Variants in RCOR1 observed in about 807,000 individuals in gnomAD.
The protein encoded by RCOR1 is REST corepressor 1, also known as REST corepressor.
In RCOR1, 12 loss-of-function variants were observed where a neutral mutation model predicts 64.0. That is an observed-to-expected ratio of 0.19 (90% CI 0.12 to 0.30). The LOEUF (loss-of-function observed/expected upper bound fraction) is 0.30. Among genes scored for constraint, RCOR1 ranks in the 10% least tolerant of loss-of-function variants. RCOR1 has a pLI of 1.00. For synonymous variants in RCOR1, 279 were observed against 227.2 expected, an observed-to-expected ratio of 1.23 and a Z score of -2.05; for missense variants, 502 against 621.2, an observed-to-expected ratio of 0.81 and a Z score of 2.04.
intron 2 of RCOR1, among the ~76,000 whole-genome samples, chr14:102,654,033 C>A (rs1206931751): frequency 5.9e-5 from 8 of 135,716 alleles, no homozygotes; most frequent in Non-Finnish European, 1.2e-4. Context: ...TCGCCCAGGC[C>A]GGAGTGCAGT....
chr14:102,704,960 A>T (rs1045339680), intron 4 of RCOR1, among the ~76,000 whole-genome samples: 2 of 146,232 alleles, frequency 1.4e-5, no homozygotes, highest in Non-Finnish European at 3.0e-5. Context: ...CCTCATCTCT[A>T]AAAAAAAGTT....
chr14:102,650,427 A>G (rs1203688291), intron 2 of RCOR1, among the ~76,000 whole-genome samples: 1 of 152,052 alleles, frequency 6.6e-6, no homozygotes, highest in Non-Finnish European at 1.5e-5. Context: ...AATCATAGTG[A>G]TCAGCAGTGC....
intron 2 of RCOR1, among the ~76,000 whole-genome samples, chr14:102,681,268 G>GTGAA (rs1371574199): frequency 6.6e-6 from 1 of 152,234 alleles, no homozygotes; most frequent in Non-Finnish European, 1.5e-5. Context: ...CCTAACCAGT[G>GTGAA]TGAAGGTATG....
rs371620881 is a variant in RCOR1, at chr14:102,728,411, G to T, written c.*1905G>T. 1 of 152,220 alleles carries T rather than the reference G, an allele frequency of 6.6e-6. No homozygotes were observed. Among genetic ancestry groups the T allele is most frequent in the African/African-American group, 2.4e-5 (1 of 41,428 alleles). The allele number at this position is 152,220 out of a possible 1,614,324, so 9.4% of individuals were successfully genotyped here. On this transcript the variant is annotated 3_prime_UTR_variant, in exon 12 of 12. Transcript: ENST00000262241. ...CCTGCTGTGTACACCGAGGGCGGCAGGAGAAGCATGGGAAGGAGTCAGCCT... is the reference window on the plus strand; with the variant it reads ...CCTGCTGTGTACACCGAGGGCGGCATGAGAAGCATGGGAAGGAGTCAGCCT...
intron 2 of RCOR1, among the ~76,000 whole-genome samples, chr14:102,605,328 A>T (rs573566966): frequency 7.2e-5 from 11 of 152,172 alleles, no homozygotes; most frequent in African/African-American, 2.7e-4. Flanking sequence ...TGAAATAGTC[A>T]TCTTCACAAC....
At chr14:102,660,235 A>G (rs1422281617) in intron 2 of RCOR1, among the ~76,000 whole-genome samples, 1 of 152,124 alleles carries the variant, frequency 6.6e-6, no homozygotes, top group Admixed American at 6.6e-5. Context: ...TGCTGATTAT[A>G]GTAAAACAAC....
intron 2 of RCOR1, among the ~76,000 whole-genome samples, chr14:102,598,127 TG>T (rs1893303220): frequency 6.6e-6 from 1 of 152,138 alleles, no homozygotes; most frequent in Non-Finnish European, 1.5e-5. Context: ...GCCCTAATTT[TG>T]GTATTTTTGG....
chr14:102,659,033 A>G (rs1894779601), intron 2 of RCOR1: 5 of 757,140 alleles, frequency 6.6e-6, no homozygotes, highest in Non-Finnish European at 8.0e-6. Flanking sequence ...TTTAAGCTCC[A>G]TCTCCTAGAG....
At chr14:102,669,309 G>GAA (rs11407477) in intron 2 of RCOR1, among the ~76,000 whole-genome samples, 2,231 of 132,188 alleles carry the variant, frequency 0.017, 61 homozygotes, top group African/African-American at 0.051. Context: ...AACTCGGTCT[G>GAA]AAAAAAAAAA....
chr14:102,620,321 A>G (rs1893849204), intron 2 of RCOR1, among the ~76,000 whole-genome samples: 1 of 152,186 alleles, frequency 6.6e-6, no homozygotes, highest in South Asian at 2.1e-4. Flanking sequence ...TAATCCCAGC[A>G]CTTTGGGAGG....
At chr14:102,636,392 C>T (rs1293238840) in intron 2 of RCOR1, among the ~76,000 whole-genome samples, 2 of 151,952 alleles carry the variant, frequency 1.3e-5, no homozygotes, top group Non-Finnish European at 2.9e-5. Context: ...ATTCTCCTGC[C>T]TCAGCCTCCC....
At chr14:102,631,307 G>A (rs1446020252) in intron 2 of RCOR1, among the ~76,000 whole-genome samples, 3 of 151,016 alleles carry the variant, frequency 2.0e-5, no homozygotes, top group Admixed American at 6.6e-5. Flanking sequence ...GGTTCACGCC[G>A]TTCTCCTGCC....
chr14:102,671,733 A>G (rs1895035728), intron 2 of RCOR1, among the ~76,000 whole-genome samples: 1 of 152,234 alleles, frequency 6.6e-6, no homozygotes, highest in South Asian at 2.1e-4. Flanking sequence ...TAAAATATGC[A>G]AAATTCAGTG....
At chr14:102,604,380 T>C (rs934179563) in intron 2 of RCOR1, among the ~76,000 whole-genome samples, 10 of 152,170 alleles carry the variant, frequency 6.6e-5, no homozygotes, top group Non-Finnish European at 1.5e-4. Flanking sequence ...TATAAGGCAA[T>C]GGGTAGTGTG....
At chr14:102,615,893 C>T (rs1172262499) in intron 2 of RCOR1, among the ~76,000 whole-genome samples, 2 of 152,318 alleles carry the variant, frequency 1.3e-5, no homozygotes, top group East Asian at 3.9e-4. Context: ...GGGGGGATTT[C>T]TCCCCAACAG....
At chr14:102,638,239 A>C (rs1048540836) in intron 2 of RCOR1, among the ~76,000 whole-genome samples, 10 of 152,230 alleles carry the variant, frequency 6.6e-5, no homozygotes, top group Non-Finnish European at 1.3e-4. Flanking sequence ...ATTGTGTTTA[A>C]AAACACCAGA....
At chr14:102,668,818 G>A (rs1595221134) in intron 2 of RCOR1, among the ~76,000 whole-genome samples, 1 of 152,138 alleles carries the variant, frequency 6.6e-6, no homozygotes, top group East Asian at 1.9e-4. Context: ...TCGTGAAATC[G>A]CTAATCTTTG....
At chr14:102,614,344 C>T (rs1446326117) in intron 2 of RCOR1, among the ~76,000 whole-genome samples, 1 of 151,732 alleles carries the variant, frequency 6.6e-6, no homozygotes, top group Non-Finnish European at 1.5e-5. Context: ...CCTGCCTCAG[C>T]CCCCCGAGTA....
chr14:102,660,036 A>G (rs1246215601), intron 2 of RCOR1, among the ~76,000 whole-genome samples: 3 of 152,210 alleles, frequency 2.0e-5, no homozygotes, highest in South Asian at 4.1e-4. Context: ...TGCATGTATT[A>G]TCTCATTTAA....
Sources: allele counts gnomAD v4.1 joint callset (sites outside exome capture counted in the v4.1 genomes callset), GRCh38; gene constraint gnomAD v4.1.1; transcripts MANE v1.5; gene names NCBI Gene and HGNC (gene_info 2026-07-23, HGNC 2026-07-21).